The following ZNF469 variants were observed in gnomAD, a reference collection of about 807,000 sequenced individuals.
ZNF469 encodes zinc finger protein 469.
A neutral mutation model predicts 1.0 loss-of-function variants in ZNF469; 1 was observed. The observed-to-expected ratio is 1.00, with a 90% CI of 0.35 to 4.73. The LOEUF (loss-of-function observed/expected upper bound fraction) is 4.73, where lower values mean the gene tolerates loss of function less well. ZNF469 is among the 30% of genes most tolerant of loss of function. The pLI is 0.16. For synonymous variants in ZNF469, 2,703 were observed against 2,363.4 expected (o/e 1.14, Z -4.17); for missense variants, 6,100 against 5,356.3 (o/e 1.14, Z -4.33).
At chr16:88,416,234 G>C (rs1197565348) in intron 1 of ZNF469, among the ~76,000 whole-genome samples, 4 of 152,164 alleles carry the variant, frequency 2.6e-5, no homozygotes, top group African/African-American at 9.7e-5. Context: ...CTCATGCAGA[G>C]ACCTCACTCG....
At chr16:88,283,917 T>TGTGTCCGGA in the ZNF469 span, among the ~76,000 whole-genome samples, 2 of 126,052 alleles carry the variant, frequency 1.6e-5, no homozygotes, top group African/African-American at 6.8e-5. Context: ...AGACCCCCAG[T>TGTGTCCGGA]GTGCCCGAGG....
chr16:88,213,421 T>A, the ZNF469 span, among the ~76,000 whole-genome samples: 5 of 152,172 alleles, frequency 3.3e-5, no homozygotes, highest in African/African-American at 1.2e-4. Context: ...TAATAGTAGT[T>A]TTTTTATAGA....
At chr16:88,135,344 A>G in the ZNF469 span, among the ~76,000 whole-genome samples, 1 of 152,232 alleles carries the variant, frequency 6.6e-6, no homozygotes, top group African/African-American at 2.4e-5. Flanking sequence ...TTCCAGGCTC[A>G]CTGAGAAGTC....
At chr16:88,277,686 T>G in the ZNF469 span, among the ~76,000 whole-genome samples, 2 of 124,542 alleles carry the variant, frequency 1.6e-5, no homozygotes, top group Admixed American at 7.8e-5. Context: ...TAGATATCAG[T>G]GCACGGTTAG....
chr16:88,289,091 T>C, the ZNF469 span, among the ~76,000 whole-genome samples: 1 of 151,482 alleles, frequency 6.6e-6, no homozygotes, highest in African/African-American at 2.4e-5. Flanking sequence ...AGGATGTTGA[T>C]AGTGATGAGG....
intron 1 of ZNF469, among the ~76,000 whole-genome samples, chr16:88,389,679 C>G (rs1904431387): frequency 6.6e-6 from 1 of 152,214 alleles, no homozygotes; most frequent in Non-Finnish European, 1.5e-5. Context: ...GAGGCGTTGG[C>G]TCAGGACCAC....
At chr16:88,372,666 A>G in the ZNF469 span, among the ~76,000 whole-genome samples, 2 of 149,990 alleles carry the variant, frequency 1.3e-5, no homozygotes, top group South Asian at 4.2e-4. Context: ...TACCATCTTC[A>G]CCATCATCAC....
At chr16:88,411,828 C>A (rs552910699) in intron 1 of ZNF469, among the ~76,000 whole-genome samples, 1 of 152,298 alleles carries the variant, frequency 6.6e-6, no homozygotes, top group East Asian at 1.9e-4. Context: ...GTTTCCCTTT[C>A]TGTCACAGCT....
Position 88,438,793 on chromosome 16 carries a change from C to T in ZNF469, c.11323C>T (p.Pro3775Ser), listed in dbSNP as rs1327606317. 1 of 1,550,250 alleles carries T rather than the reference C, an allele frequency of 6.5e-7. No homozygotes were observed. The highest frequency in any genetic ancestry group is 8.7e-7 in the Non-Finnish European group (1 of 1,146,922). ...PAKPSFPSRS[P>S]APERLPARAQ... ...CAAGCCCAGCTTCCCCAGCCGGAGCCCTGCACCAGAGAGGCTCCCCGCTCG... is the reference window on the plus strand; with the variant it reads ...CAAGCCCAGCTTCCCCAGCCGGAGCTCTGCACCAGAGAGGCTCCCCGCTCG... Residue 3775 changes from proline to serine, a missense_variant, in exon 3 of 3, where the codon CCT becomes TCT. Transcript: ENST00000565624.
At chr16:88,413,467 C>T (rs984904580) in intron 1 of ZNF469, among the ~76,000 whole-genome samples, 1 of 152,250 alleles carries the variant, frequency 6.6e-6, no homozygotes, top group African/African-American at 2.4e-5. Context: ...GATGTGTTTT[C>T]TGTGTTTTTC....
chr16:88,369,805 C>T, the ZNF469 span, among the ~76,000 whole-genome samples: 1 of 152,146 alleles, frequency 6.6e-6, no homozygotes, highest in Non-Finnish European at 1.5e-5. Context: ...GCCACAGAGG[C>T]CACCCCCGCG....
the ZNF469 span, among the ~76,000 whole-genome samples, chr16:88,309,777 G>A: frequency 6.6e-6 from 1 of 152,194 alleles, no homozygotes; most frequent in African/African-American, 2.4e-5. Context: ...CGGTGCCAGG[G>A]AGTGTGGTTC....
At chr16:88,150,471 C>G in the ZNF469 span, among the ~76,000 whole-genome samples, 3 of 152,190 alleles carry the variant, frequency 2.0e-5, no homozygotes, top group Admixed American at 2.0e-4. Flanking sequence ...TAGACTTGCC[C>G]TCTGAGCTGC....
At chr16:88,299,917 G>A in the ZNF469 span, among the ~76,000 whole-genome samples, 6 of 152,310 alleles carry the variant, frequency 3.9e-5, no homozygotes, top group East Asian at 1.2e-3. Flanking sequence ...CAGGGCGCTT[G>A]TTTGAGGACG....
intron 1 of ZNF469, among the ~76,000 whole-genome samples, chr16:88,404,423 G>A (rs1187967278): frequency 1.3e-5 from 2 of 152,246 alleles, no homozygotes; most frequent in African/African-American, 4.8e-5. Context: ...TTGCTCACCT[G>A]TGTGATTCAA....
At chr16:88,377,713 A>T in the ZNF469 span, among the ~76,000 whole-genome samples, 36 of 146,612 alleles carry the variant, frequency 2.5e-4, no homozygotes, top group African/African-American at 8.7e-4. Context: ...TCTCCCACTC[A>T]CTTTCCAAAG....
chr16:88,145,143 T>C, the ZNF469 span, among the ~76,000 whole-genome samples: 4 of 151,416 alleles, frequency 2.6e-5, no homozygotes, highest in Admixed American at 2.6e-4. Flanking sequence ...CGGCCCATTG[T>C]TGCCTATTTA....
chr16:88,415,325 G>T (rs1364219095), intron 1 of ZNF469, among the ~76,000 whole-genome samples: 1 of 152,118 alleles, frequency 6.6e-6, no homozygotes, highest in Admixed American at 6.5e-5. Flanking sequence ...ACTGCCCAAG[G>T]CTCACCACCC....
chr16:88,284,986 A>G, the ZNF469 span, among the ~76,000 whole-genome samples: 1 of 152,246 alleles, frequency 6.6e-6, no homozygotes, highest in Non-Finnish European at 1.5e-5. Flanking sequence ...CATCCTTGGG[A>G]GTCCAGGCAG....
Sources: allele counts gnomAD v4.1 joint callset (sites outside exome capture counted in the v4.1 genomes callset), GRCh38; gene constraint gnomAD v4.1.1; transcripts MANE v1.5; gene names NCBI Gene and HGNC (gene_info 2026-07-23, HGNC 2026-07-21).